The following DSE variants were observed in gnomAD, a reference collection of about 807,000 sequenced individuals.
DSE encodes the protein dermatan sulfate epimerase, also known as dermatan-sulfate epimerase.
Under a neutral mutation model 84.4 loss-of-function variants are expected in DSE, and 36 were observed. That is an observed-to-expected ratio of 0.43 (90% CI 0.33 to 0.56). DSE has a LOEUF of 0.56. Ranked by LOEUF, DSE falls within the 20% of genes least tolerant of loss-of-function variation. DSE has a pLI of 0.06. For synonymous variants in DSE, 410 were observed against 430.1 expected (o/e 0.95, Z 0.58); for missense variants, 862 against 1,169.6 (o/e 0.74, Z 3.84).
intron 1 of DSE, chr6:116,258,398 A>C (rs1223355798): frequency 2.9e-6 from 2 of 681,446 alleles, no homozygotes; most frequent in Non-Finnish European, 5.4e-6. Flanking sequence ...CACATTTTTT[A>C]AAGTCATTAT....
chr6:116,299,664 G>A (rs1229952887), intron 2 of DSE, among the ~76,000 whole-genome samples: 1 of 150,880 alleles, frequency 6.6e-6, no homozygotes, highest in African/African-American at 2.4e-5. Flanking sequence ...ATAGATGATG[G>A]ACATTCCTCT....
At chr6:116,314,013 A>G (rs1337552451) in intron 2 of DSE, among the ~76,000 whole-genome samples, 2 of 152,204 alleles carry the variant, frequency 1.3e-5, no homozygotes, top group African/African-American at 2.4e-5. Context: ...ACCAACTTAC[A>G]TCAGGTTTAC....
At chr6:116,272,541 C>T (rs970101231) in intron 2 of DSE, among the ~76,000 whole-genome samples, 5 of 152,140 alleles carry the variant, frequency 3.3e-5, no homozygotes, top group African/African-American at 4.8e-5. Flanking sequence ...TGAAACTCTA[C>T]GATATACCAG....
At position 116,267,563 on chromosome 6, in the gene DSE, A is replaced by G. The variant is rs534937453; in HGVS notation, c.-54+8596A>G. ...ATTATAAAAGACTCAAAAAGTTTTA[A>G]AAAGTTAAAACATAAAGTAAAAAAG... On this transcript the variant is annotated intron_variant, in intron 2 of 3. Transcript: ENST00000430252. 9.9e-4 allele frequency among the ~76,000 whole-genome samples: 151 copies of G among 152,326 alleles called. 1 individual carries two copies. Among genetic ancestry groups the G allele is most frequent in the African/African-American group, 3.5e-3 (145 of 41,582 alleles).
chr6:116,376,130 T>C (rs1779909204), intron 1 of DSE, among the ~76,000 whole-genome samples: 1 of 152,216 alleles, frequency 6.6e-6, no homozygotes. Context: ...AAAATGCTTA[T>C]GTGCTTCCTA....
chr6:116,315,680 C>T lies in DSE; in HGVS notation c.-54+56713C>T, dbSNP rs564508021. On this transcript the variant is annotated intron_variant, in intron 2 of 3. Coordinates refer to the DSE transcript ENST00000430252. ...GCCATGGTTCATCATGCTTGTTTCA[C>T]ATGAGAATCGTATGTGATGTTTTAA... 9.2e-5 allele frequency among the ~76,000 whole-genome samples: 14 copies of T among 152,268 alleles called. 1 individual carries two copies. The East Asian group carries it at 1.3e-3, about 15-fold the overall frequency.
chr6:116,321,631 GA>G (rs1044753729), intron 2 of DSE, among the ~76,000 whole-genome samples: 1 of 151,968 alleles, frequency 6.6e-6, no homozygotes, highest in Non-Finnish European at 1.5e-5. Context: ...ACTAAAAATA[GA>G]AAAAATTAGC....
At chr6:116,425,896 A>G (rs1783421623) in intron 2 of DSE, among the ~76,000 whole-genome samples, 1 of 152,192 alleles carries the variant, frequency 6.6e-6, no homozygotes, top group Admixed American at 6.5e-5. Flanking sequence ...TGGACAATGT[A>G]ATTCTTAACA....
At chr6:116,282,935 G>A (rs898419787) in intron 2 of DSE, among the ~76,000 whole-genome samples, 3 of 152,156 alleles carry the variant, frequency 2.0e-5, no homozygotes, top group African/African-American at 7.2e-5. Flanking sequence ...TTGCCATACA[G>A]GCAAAGCTGT....
chr6:116,428,290 T>G (rs1233418744), intron 3 of DSE, among the ~76,000 whole-genome samples: 2 of 152,128 alleles, frequency 1.3e-5, no homozygotes, highest in African/African-American at 4.8e-5. Context: ...GCCCCAGGCC[T>G]GTGAAAAGAC....
intron 2 of DSE, among the ~76,000 whole-genome samples, chr6:116,297,328 C>G (rs1015464663): frequency 6.6e-6 from 1 of 152,124 alleles, no homozygotes; most frequent in Non-Finnish European, 1.5e-5. Flanking sequence ...CACCATCTCT[C>G]AAAGGTCCCA....
intron 2 of DSE, among the ~76,000 whole-genome samples, chr6:116,411,852 A>G (rs1436682028): frequency 2.0e-5 from 3 of 152,218 alleles, no homozygotes; most frequent in Non-Finnish European, 4.4e-5. Flanking sequence ...AGAAGTTGGG[A>G]CAATATGATT....
chr6:116,285,660 C>T (rs1017448167), intron 2 of DSE, among the ~76,000 whole-genome samples: 33 of 152,162 alleles, frequency 2.2e-4, no homozygotes, highest in African/African-American at 6.8e-4. Flanking sequence ...TTAGGTCTAA[C>T]ATTTAAGTCT....
intron 2 of DSE, among the ~76,000 whole-genome samples, chr6:116,333,705 C>T (rs1175018475): frequency 6.6e-6 from 1 of 152,178 alleles, no homozygotes; most frequent in Non-Finnish European, 1.5e-5. Context: ...AGCTCTTTCT[C>T]ATTCTCAACC....
chr6:116,396,278 T>G (rs1361490696), intron 1 of DSE, among the ~76,000 whole-genome samples: 1 of 152,106 alleles, frequency 6.6e-6, no homozygotes, highest in Non-Finnish European at 1.5e-5. Flanking sequence ...AACAGTCCGG[T>G]GTGATATAGG....
chr6:116,409,892 T>G (rs1332521055), intron 2 of DSE, among the ~76,000 whole-genome samples: 1 of 152,060 alleles, frequency 6.6e-6, no homozygotes, highest in Non-Finnish European at 1.5e-5. Context: ...TGCTTGACTG[T>G]TCAAGCACAA....
Position 116,442,451 on chromosome 6 carries a change from G to A in DSE, c.*5106G>A, listed in dbSNP as rs1562321167. The A allele has an allele frequency of 6.6e-6, 1 of 152,174 alleles. No individual in the cohort carries two copies. Among genetic ancestry groups the A allele is most frequent in the African/African-American group, 2.4e-5 (1 of 41,430 alleles). The allele number at this position is 152,174 out of a possible 1,614,324, so 9.4% of individuals were successfully genotyped here. On this transcript the variant is annotated 3_prime_UTR_variant, in exon 6 of 6. Coordinates refer to ENST00000644252, the MANE Select transcript of DSE (RefSeq NM_013352.4). ...TGTACCAGCCTGGAATCCAGGGGCA[G>A]GCTGTGGCTGAAGATGTAATTGTTG...
At chr6:116,323,901 C>A (rs1776471646) in intron 2 of DSE, among the ~76,000 whole-genome samples, 1 of 152,162 alleles carries the variant, frequency 6.6e-6, no homozygotes, top group African/African-American at 2.4e-5. Context: ...CTTCTACCAT[C>A]CTTCTTCAGC....
intron 2 of DSE, among the ~76,000 whole-genome samples, chr6:116,274,950 A>G (rs1467075565): frequency 1.3e-5 from 2 of 152,210 alleles, no homozygotes; most frequent in Non-Finnish European, 2.9e-5. Context: ...GTAATTTTAG[A>G]TTTACTAGTA....
Sources: gnomAD v4.1 joint callset for allele counts (sites outside exome capture counted in the v4.1 genomes callset) on GRCh38, gnomAD v4.1.1 for gene constraint, MANE v1.5 for transcripts, NCBI Gene and HGNC (gene_info 2026-07-23, HGNC 2026-07-21) for gene names.